SRSF3: variants seen among roughly 807,000 people sequenced by gnomAD.
SRSF3 encodes serine and arginine rich splicing factor 3, also known as serine/arginine-rich splicing factor 3.
For missense variants in SRSF3, 58 were observed against 217.1 expected (o/e 0.27, Z 4.61); for synonymous variants, 87 against 73.6 (o/e 1.18, Z -0.93).
chr6:36,597,702 TAGTAA>T (rs1778653970), intron 2 of SRSF3, among the ~76,000 whole-genome samples: 1 of 152,122 alleles, frequency 6.6e-6, no homozygotes, highest in African/African-American at 2.4e-5. Flanking sequence ...AAGCAGGTTG[TAGTAA>T]AGTTTTCCAG....
chr6:36,598,032 G>T (rs1329988692), intron 2 of SRSF3, among the ~76,000 whole-genome samples: 1 of 152,090 alleles, frequency 6.6e-6, no homozygotes, highest in Non-Finnish European at 1.5e-5. Context: ...GTTGAGGGGA[G>T]AGGGTGCTGT....
chr6:36,597,803 CTTTT>C (rs377627108), intron 2 of SRSF3, among the ~76,000 whole-genome samples: 21 of 131,216 alleles, frequency 1.6e-4, no homozygotes, highest in African/African-American at 3.1e-4. Context: ...GAATAATGGT[CTTTT>C]TTTTTTTTTT....
chr6:36,596,285 GGCTTATGTAGGTACTTTGAATC>G (rs1291643510), intron 1 of SRSF3, among the ~76,000 whole-genome samples: 1 of 152,056 alleles, frequency 6.6e-6, no homozygotes. Context: ...GGTAAGTTTT[GGCTTATGTAGGTACTTTGAATC>G]GCTTGCCTGG....
chr6:36,599,051 C>T (rs566961763), intron 3 of SRSF3, 68 bp downstream of exon 3: 2 of 1,556,382 alleles, frequency 1.3e-6, no homozygotes, highest in African/African-American at 1.4e-5. Flanking sequence ...AGGTATTTCT[C>T]TTAAGTTTGT....
chr6:36,595,804 A>G (rs1488507975), intron 1 of SRSF3, among the ~76,000 whole-genome samples: 1 of 152,250 alleles, frequency 6.6e-6, no homozygotes, highest in Admixed American at 6.5e-5. Context: ...AAAACTGTAA[A>G]GTTGGTCTCG....
chr6:36,596,186 G>T (rs1280335148), intron 1 of SRSF3, among the ~76,000 whole-genome samples: 1 of 152,116 alleles, frequency 6.6e-6, no homozygotes, highest in Non-Finnish European at 1.5e-5. Context: ...CTTCCCAAAA[G>T]TTCTGGGATT....
At chr6:36,599,927 C>A in intron 3 of SRSF3, 1 of 1,346,860 alleles carries the variant, frequency 7.4e-7, no homozygotes, top group Non-Finnish European at 9.8e-7. Flanking sequence ...TGGCTGGTGT[C>A]GTTTCACATG....
intron 4 of SRSF3, 145 bp downstream of exon 4, chr6:36,601,335 GT>G: frequency 1.3e-6 from 1 of 759,118 alleles, no homozygotes; most frequent in Non-Finnish European, 2.1e-6. Flanking sequence ...CTTTCTTTGA[GT>G]TTTCAAAGGC....
In SRSF3 at chr6:36,596,139, G is replaced by C. The variant is rs185273168; in HGVS notation, c.-2-622G>C. Among the ~76,000 whole-genome samples the C allele has an allele frequency of 4.5e-3, 692 of 152,186 alleles. 2 individuals are homozygous for C. The highest frequency in any genetic ancestry group is 0.015 in the African/African-American group (628 of 41,524). The stretch of plus-strand genomic sequence containing the variant: ...GGGGTTTCACCATATTGGCCAGGCT[G>C]GGTCGAACTCCTGACCTCGTGATTC... On this transcript the variant is annotated intron_variant, in intron 1 of 5. Transcript: ENST00000373715.
chr6:36,601,679 T>C, intron 4 of SRSF3, 29 bp from the exon 5 acceptor site: 1 of 1,549,756 alleles, frequency 6.5e-7, no homozygotes, highest in Non-Finnish European at 8.9e-7. Flanking sequence ...TCATACCTCA[T>C]TGGTCCTAAT....
At chr6:36,599,026 G>T in intron 3 of SRSF3, 43 bp downstream of exon 3, 1 of 1,601,138 alleles carries the variant, frequency 6.2e-7, no homozygotes, top group South Asian at 1.1e-5. Context: ...GTGTAATGGA[G>T]TAGCTAGTAG....
rs1462984558 is a variant in SRSF3 at position 36,604,068 on chromosome 6, T to C, written c.*2079T>C. ...CTTAGAAACTTTAGAACATGGAAAT[T>C]GTTAAAAGCTTTGAATTGCACATTT... On this transcript the variant is annotated 3_prime_UTR_variant, in exon 6 of 6. Coordinates refer to ENST00000373715, the MANE Select transcript of SRSF3 (RefSeq NM_003017.5). 1 of 228,066 alleles carries C rather than the reference T, an allele frequency of 4.4e-6. No homozygotes were observed. The highest frequency in any genetic ancestry group is 2.2e-5 in the African/African-American group (1 of 45,070). 14.1% of individuals were successfully genotyped at this position (228,066 alleles called of 1,614,324 possible). A position where few individuals can be genotyped will look rare whatever the true frequency, so the allele number is the denominator to read the frequency against.
chr6:36,599,035 A>G, intron 3 of SRSF3, 52 bp downstream of exon 3: 1 of 1,584,672 alleles, frequency 6.3e-7, no homozygotes, highest in Middle Eastern at 1.7e-4. Flanking sequence ...AGTAGCTAGT[A>G]GGAGCAGGTA....
At chr6:36,595,932 G>T (rs377490428) in intron 1 of SRSF3, among the ~76,000 whole-genome samples, 4,012 of 150,938 alleles carry the variant, frequency 0.027, 62 homozygotes, top group African/African-American at 0.04. Context: ...TTTATTTGTG[G>T]TTTTTTTTTG....
chr6:36,597,442 C>T (rs923130601), intron 2 of SRSF3, among the ~76,000 whole-genome samples: 1 of 152,010 alleles, frequency 6.6e-6, no homozygotes, highest in African/African-American at 2.4e-5. Context: ...GTGAACTGAT[C>T]CTTGTTTAAA....
In SRSF3 at chr6:36,596,846, G is replaced by T. The variant is rs201620483; in HGVS notation, c.84G>T (p.Arg28=). 1 of 1,613,928 alleles carries T rather than the reference G, an allele frequency of 6.2e-7. No homozygotes were observed. Among genetic ancestry groups the T allele is most frequent in the South Asian group, 1.1e-5 (1 of 91,074 alleles). The change falls in exon 2 of 6, where the codon CGG becomes CGT. Residue 28 remains arginine (R), a synonymous_variant. Transcript: ENST00000373715. ...GNNGNKTELE[R]AFGYYGPLRS... is the part of the protein sequence containing the mutation. ...ATGGCAACAAGACGGAATTGGAACG[G>T]GCTTTTGGCTACTATGGACCACTCC...
chr6:36,605,359 AGG>A lies in SRSF3; in HGVS notation c.*3371_*3372del, dbSNP rs2127507875. On this transcript the variant is annotated 3_prime_UTR_variant, in exon 6 of 6. Transcript: ENST00000373715. ...ACAAAAATTAGCTGGGTGTGGTGGC[AGG>A]CGCCTATAATGCCAGCCACTTGGGA... The A allele has an allele frequency of 6.6e-6, 1 of 152,100 alleles. No individual in the cohort carries two copies. The highest frequency in any genetic ancestry group is 2.4e-5 in the African/African-American group (1 of 41,480). The allele number at this position is 152,100 out of a possible 1,614,324, so 9.4% of individuals were successfully genotyped here.
chr6:36,597,097 C>CTTTT lies in SRSF3; in HGVS notation c.206+147_206+150dup, dbSNP rs35760494. 127 of 362,888 alleles carry CTTTT rather than the reference C, an allele frequency of 3.5e-4. 2 individuals are homozygous for CTTTT. Among genetic ancestry groups the CTTTT allele is most frequent in the African/African-American group, 1.2e-3 (39 of 32,698 alleles). The allele number at this position is 362,888 out of a possible 1,614,324, so 22.5% of individuals were successfully genotyped here. A position where few individuals can be genotyped will look rare whatever the true frequency, so the allele number is the denominator to read the frequency against. On this transcript the variant is annotated intron_variant, in intron 2 of 5. Transcript: ENST00000373715. Reference sequence around the variant, plus strand: ...TTGTATCTTTAGATACAATTGGGATCTTTTTTTTTTTTTTTTTTTTTGGTG... The same window carrying CTTTT: ...TTGTATCTTTAGATACAATTGGGATCTTTTTTTTTTTTTTTTTTTTTTTTTGGTG...
chr6:36,600,083 T>C, intron 3 of SRSF3: 1 of 1,179,320 alleles, frequency 8.5e-7, no homozygotes, highest in East Asian at 6.1e-5. Flanking sequence ...CAGCTGTTTA[T>C]TTACCAAATG....
Sources: allele counts gnomAD v4.1 joint callset (sites outside exome capture counted in the v4.1 genomes callset), GRCh38; gene constraint gnomAD v4.1.1; transcripts MANE v1.5; gene names NCBI Gene and HGNC (gene_info 2026-07-23, HGNC 2026-07-21).